Variants in WWOX observed in about 807,000 individuals in gnomAD.
WWOX encodes WW domain-containing oxidoreductase.
WWOX carries 69 observed loss-of-function variants against 46.2 expected under a neutral mutation model. That is an observed-to-expected ratio of 1.49 (90% CI 1.23 to 1.82). WWOX has a LOEUF of 1.82. WWOX is among the 40% of genes most tolerant of loss of function. WWOX has a pLI of 0.00. For missense variants in WWOX, 919 were observed against 542.6 expected (o/e 1.69, Z -6.89); for synonymous variants, 359 against 202.6 (o/e 1.77, Z -6.56).
At chr16:78,118,632 A>G (rs2032934427) in intron 4 of WWOX, among the ~76,000 whole-genome samples, 1 of 152,198 alleles carries the variant, frequency 6.6e-6, no homozygotes, top group Non-Finnish European at 1.5e-5. Context: ...AGAGTCGCCC[A>G]GTTGTGGCAG....
chr16:78,850,361 C>G (rs751017383), intron 8 of WWOX, among the ~76,000 whole-genome samples: 10 of 152,252 alleles, frequency 6.6e-5, no homozygotes, highest in South Asian at 2.1e-4. Flanking sequence ...GAGTGTTTCA[C>G]TTAACATTAT....
intron 8 of WWOX, among the ~76,000 whole-genome samples, chr16:78,517,423 T>C (rs2043258665): frequency 6.6e-6 from 1 of 151,560 alleles, no homozygotes; most frequent in Admixed American, 6.6e-5. Flanking sequence ...TGAAATTATT[T>C]CCAGCTATGT....
At chr16:78,332,037 C>G (rs750991829) in intron 5 of WWOX, among the ~76,000 whole-genome samples, 24 of 152,170 alleles carry the variant, frequency 1.6e-4, no homozygotes, top group Middle Eastern at 3.2e-3. Context: ...TAGCTGCTCT[C>G]AGGGAGTCTG....
In WWOX at chr16:78,410,166, C is replaced by A. The variant is rs183923961; in HGVS notation, c.606-14704C>A. On this transcript the variant is annotated intron_variant, in intron 6 of 8. Coordinates refer to ENST00000566780, the MANE Select transcript of WWOX (RefSeq NM_016373.4). The stretch of plus-strand genomic sequence containing the variant: ...AGCTGCCTACTCCCCTTTTGCCTTC[C>A]GCCATGACTGTAAGCCTCCTGAGGC... Among the ~76,000 whole-genome samples, 186 of 152,302 alleles carry A rather than the reference C, an allele frequency of 1.2e-3. 1 individual carries two copies. The highest frequency in any genetic ancestry group is 4.4e-3 in the African/African-American group (183 of 41,572).
chr16:78,874,866 G>A, intron 8 of WWOX, among the ~76,000 whole-genome samples: 1 of 151,888 alleles, frequency 6.6e-6, no homozygotes. Flanking sequence ...ACAGCAAGTG[G>A]TAAATGATCC....
chr16:78,652,408 C>CAAAAAAAAAAAAAAAAA (rs747993811), intron 8 of WWOX, among the ~76,000 whole-genome samples: 1 of 107,500 alleles, frequency 9.3e-6, no homozygotes, highest in African/African-American at 4.7e-5. Context: ...GACTCCGTCT[C>CAAAAAAAAAAAAAAAAA]AAAAAAAAAA....
intron 8 of WWOX, among the ~76,000 whole-genome samples, chr16:79,015,732 C>A (rs1208302599): frequency 6.6e-6 from 1 of 152,086 alleles, no homozygotes; most frequent in Non-Finnish European, 1.5e-5. Flanking sequence ...GTCTCTGATC[C>A]TGATTTATTT....
intron 8 of WWOX, among the ~76,000 whole-genome samples, chr16:78,647,905 A>G (rs192195469): frequency 1.3e-3 from 192 of 152,178 alleles, no homozygotes; most frequent in South Asian, 3.7e-3. Flanking sequence ...TTTTATTGCT[A>G]TTTTTCTAAA....
At chr16:79,097,430 T>G (rs2150620580) in intron 8 of WWOX, among the ~76,000 whole-genome samples, 1 of 152,162 alleles carries the variant, frequency 6.6e-6, no homozygotes, top group East Asian at 1.9e-4. Context: ...AAGTGATAAT[T>G]TATTGCAACC....
intron 5 of WWOX, among the ~76,000 whole-genome samples, chr16:78,262,503 A>G (rs1339887702): frequency 6.6e-6 from 1 of 152,166 alleles, no homozygotes; most frequent in Non-Finnish European, 1.5e-5. Flanking sequence ...GGTTTCAGAG[A>G]TGATAATGGG....
intron 8 of WWOX, among the ~76,000 whole-genome samples, chr16:78,594,446 G>C (rs3021399): frequency 0.13 from 4,387 of 33,842 alleles, 6 homozygotes; most frequent in African/African-American, 0.19. Context: ...CCCCCCCCCC[G>C]CCAAATTGTC....
At chr16:78,267,568 G>C (rs77713178) in intron 5 of WWOX, among the ~76,000 whole-genome samples, 15,041 of 152,250 alleles carry the variant, frequency 0.099, 896 homozygotes, top group Admixed American at 0.14. Flanking sequence ...GACTCGAGGG[G>C]AATGAGCCCC....
intron 8 of WWOX, among the ~76,000 whole-genome samples, chr16:78,472,540 G>C (rs1173258680): frequency 6.6e-6 from 1 of 152,144 alleles, no homozygotes; most frequent in Admixed American, 6.5e-5. Flanking sequence ...CGGGCACAGT[G>C]GCTCACGCCT....
At chr16:78,399,214 A>G (rs1446632821) in intron 6 of WWOX, among the ~76,000 whole-genome samples, 1 of 152,214 alleles carries the variant, frequency 6.6e-6, no homozygotes, top group Non-Finnish European at 1.5e-5. Flanking sequence ...ACAAAAATGG[A>G]AACACATAGT....
intron 8 of WWOX, among the ~76,000 whole-genome samples, chr16:78,794,923 G>T (rs1005983355): frequency 6.6e-5 from 10 of 152,210 alleles, no homozygotes; most frequent in African/African-American, 2.2e-4. Context: ...CCTGTGCCTG[G>T]CATACTGCAA....
chr16:78,846,123 G>C (rs903876986), intron 8 of WWOX, among the ~76,000 whole-genome samples: 2 of 152,152 alleles, frequency 1.3e-5, no homozygotes, highest in African/African-American at 4.8e-5. Context: ...AAGGTTGGTT[G>C]GTTGGTTTGT....
intron 8 of WWOX, among the ~76,000 whole-genome samples, chr16:79,127,309 A>C (rs562174112): frequency 6.6e-6 from 1 of 152,282 alleles, no homozygotes; most frequent in East Asian, 1.9e-4. Flanking sequence ...ATCCTTCTAG[A>C]CATTATTATG....
intron 8 of WWOX, among the ~76,000 whole-genome samples, chr16:79,085,443 C>T (rs2048836999): frequency 6.6e-6 from 1 of 152,162 alleles, no homozygotes; most frequent in Non-Finnish European, 1.5e-5. Context: ...TTTTCTTCTT[C>T]CCAGTTCACT....
intron 8 of WWOX, among the ~76,000 whole-genome samples, chr16:79,119,304 G>A (rs1309830617): frequency 1.3e-5 from 2 of 152,130 alleles, no homozygotes; most frequent in South Asian, 4.1e-4. Flanking sequence ...TCAATTTATG[G>A]GCTACATTAA....
Sources: gnomAD v4.1 joint callset for allele counts (sites outside exome capture counted in the v4.1 genomes callset) on GRCh38, gnomAD v4.1.1 for gene constraint, MANE v1.5 for transcripts, NCBI Gene and HGNC (gene_info 2026-07-23, HGNC 2026-07-21) for gene names.